MALRD1: variants seen among roughly 807,000 people sequenced by gnomAD.
MALRD1 encodes MAM and LDL receptor class A domain containing 1.
MALRD1 carries 247 observed loss-of-function variants against 242.1 expected under a neutral mutation model. The observed-to-expected ratio is 1.02, with a 90% CI of 0.92 to 1.13. The LOEUF (loss-of-function observed/expected upper bound fraction) is 1.13. Ranked by LOEUF, MALRD1 falls within the 50% of genes most tolerant of loss-of-function variation. The pLI is 0.00. For synonymous variants in MALRD1, 995 were observed against 866.6 expected, an observed-to-expected ratio of 1.15 and a Z score of -2.60; for missense variants, 2,989 against 2,533.1, an observed-to-expected ratio of 1.18 and a Z score of -3.86.
intron 28 of MALRD1, among the ~76,000 whole-genome samples, chr10:19,429,165 C>T (rs1834020691): frequency 6.6e-6 from 1 of 152,206 alleles, no homozygotes; most frequent in Non-Finnish European, 1.5e-5. Flanking sequence ...ATATGTATTA[C>T]TGTTATCTTC....
chr10:19,355,461 A>G (rs1213813655), intron 26 of MALRD1, among the ~76,000 whole-genome samples: 1 of 151,924 alleles, frequency 6.6e-6, no homozygotes, highest in Non-Finnish European at 1.5e-5. Flanking sequence ...ATTCATTCAT[A>G]TAAAGTATGA....
chr10:19,094,488 G>C (rs1254436197), intron 4 of MALRD1, among the ~76,000 whole-genome samples: 1 of 149,640 alleles, frequency 6.7e-6, no homozygotes, highest in African/African-American at 2.5e-5. Flanking sequence ...TGCGCCCACT[G>C]TCTGGCACTC....
At chr10:19,447,917 T>G (rs976560176) in intron 28 of MALRD1, among the ~76,000 whole-genome samples, 12 of 152,210 alleles carry the variant, frequency 7.9e-5, no homozygotes, top group Non-Finnish European at 1.6e-4. Context: ...AGAAGTTACA[T>G]GAATCTGTGG....
chr10:19,359,775 T>A (rs1376921573), intron 26 of MALRD1, among the ~76,000 whole-genome samples: 1 of 91,378 alleles, frequency 1.1e-5, no homozygotes, highest in South Asian at 3.0e-4. Flanking sequence ...AAAAAATAAT[T>A]AAAGAACTCT....
At chr10:19,387,397 C>T in intron 26 of MALRD1, 131 bp from the exon 27 acceptor site, 2 of 1,069,684 alleles carry the variant, frequency 1.9e-6, no homozygotes, top group Non-Finnish European at 2.6e-6. Context: ...AGATGGGGTT[C>T]AGGTACCTCA....
chr10:19,410,785 C>A (rs924000573), intron 28 of MALRD1, among the ~76,000 whole-genome samples: 14 of 150,834 alleles, frequency 9.3e-5, no homozygotes, highest in African/African-American at 3.2e-4. Context: ...AACTAATATT[C>A]TAGAAATTCC....
At chr10:19,075,024 T>C (rs1409260129) in intron 2 of MALRD1, among the ~76,000 whole-genome samples, 1 of 152,026 alleles carries the variant, frequency 6.6e-6, no homozygotes, top group Non-Finnish European at 1.5e-5. Flanking sequence ...ACATACCCAG[T>C]AGATGTCAAT....
intron 28 of MALRD1, among the ~76,000 whole-genome samples, chr10:19,440,971 G>A (rs1300973729): frequency 1.3e-5 from 2 of 151,810 alleles, no homozygotes; most frequent in Admixed American, 6.6e-5. Flanking sequence ...CAGTGTAAAA[G>A]TGTTCCTTTT....
chr10:19,295,163 A>G (rs971566392), intron 21 of MALRD1, among the ~76,000 whole-genome samples: 16 of 152,110 alleles, frequency 1.1e-4, no homozygotes, highest in Non-Finnish European at 1.9e-4. Context: ...TACTGAAAGG[A>G]AAATGAAACC....
rs1843016613 is a variant in MALRD1, at chr10:19,324,102, C to G, written c.3573C>G (p.Leu1191=). The change falls in exon 22 of 40, where the codon CTC becomes CTG. Residue 1191 remains leucine (L), a synonymous_variant. Transcript: ENST00000454679. ...THMNGATVGS[L]QVLIKKDNVT... ...TGAATGGGGCCACCGTTGGTTCTCT[C>G]CAGGTACTGCTTAGGCAATCACATT... The G allele has an allele frequency of 6.5e-7, 1 of 1,549,928 alleles. No homozygotes were observed. Among genetic ancestry groups the G allele is most frequent in the Non-Finnish European group, 8.7e-7 (1 of 1,146,600 alleles).
chr10:19,048,133 A>G (rs191744287), upstream of MALRD1, among the ~76,000 whole-genome samples: 1 of 152,332 alleles, frequency 6.6e-6, no homozygotes, highest in East Asian at 1.9e-4. Context: ...ATGAATTGAC[A>G]GGTGAATTCT....
chr10:19,171,441 T>C (rs1834924683), intron 13 of MALRD1, among the ~76,000 whole-genome samples: 1 of 133,068 alleles, frequency 7.5e-6, no homozygotes, highest in Non-Finnish European at 1.7e-5. Context: ...TATATATATA[T>C]ATATATATAT....
chr10:19,572,495 T>C (rs1052111477), intron 33 of MALRD1, among the ~76,000 whole-genome samples: 9 of 152,114 alleles, frequency 5.9e-5, no homozygotes, highest in Admixed American at 3.3e-4. Flanking sequence ...TTTAATAAGG[T>C]GGCAAATACC....
chr10:19,079,920 T>A (rs765024709), intron 2 of MALRD1, among the ~76,000 whole-genome samples: 24 of 151,894 alleles, frequency 1.6e-4, no homozygotes, highest in Non-Finnish European at 3.2e-4. Context: ...ACTTCAGCAA[T>A]CTCAGGATGC....
chr10:19,348,282 ATT>A (rs34949607), intron 25 of MALRD1, among the ~76,000 whole-genome samples: 24,006 of 152,060 alleles, frequency 0.16, 1,973 homozygotes, highest in African/African-American at 0.2. Flanking sequence ...CATGGTTGTT[ATT>A]CACAACCATG....
chr10:19,562,876 C>G (rs550154623), intron 32 of MALRD1, among the ~76,000 whole-genome samples: 2 of 152,248 alleles, frequency 1.3e-5, no homozygotes, highest in South Asian at 4.1e-4. Context: ...GCCTGATGAT[C>G]TGAGGTGGAG....
At chr10:19,182,150 A>G (rs1835534603) in intron 14 of MALRD1, among the ~76,000 whole-genome samples, 1 of 152,006 alleles carries the variant, frequency 6.6e-6, no homozygotes, top group African/African-American at 2.4e-5. Flanking sequence ...TGTCTCTGAT[A>G]TACATTAAGA....
At chr10:19,201,524 C>A (rs1017440400) in intron 14 of MALRD1, among the ~76,000 whole-genome samples, 8 of 152,248 alleles carry the variant, frequency 5.3e-5, no homozygotes, top group African/African-American at 1.4e-4. Flanking sequence ...CCTGCTTTCT[C>A]CCCGTATTTA....
chr10:19,306,331 G>T (rs1277527855), intron 21 of MALRD1, among the ~76,000 whole-genome samples: 1 of 136,896 alleles, frequency 7.3e-6, no homozygotes, highest in African/African-American at 2.7e-5. Context: ...TATATATAGT[G>T]TCGTATATAT....
Sources: allele counts gnomAD v4.1 joint callset (sites outside exome capture counted in the v4.1 genomes callset), GRCh38; gene constraint gnomAD v4.1.1; transcripts MANE v1.5; gene names NCBI Gene and HGNC (gene_info 2026-07-23, HGNC 2026-07-21).